CALN1: variants seen among roughly 807,000 people sequenced by gnomAD.
The protein encoded by CALN1 is calcium-binding protein 8.
CALN1 carries 17 observed loss-of-function variants against 30.6 expected under a neutral mutation model. The ratio of observed to expected loss-of-function variants is 0.56; its 90% CI spans 0.38 to 0.83. CALN1 has a LOEUF of 0.83. Among genes scored for constraint, CALN1 ranks in the 40% least tolerant of loss-of-function variants. The pLI is 0.00. For synonymous variants in CALN1, 156 were observed against 131.4 expected, an observed-to-expected ratio of 1.19 and a Z score of -1.28; for missense variants, 291 against 354.9, an observed-to-expected ratio of 0.82 and a Z score of 1.45.
chr7:72,291,807 T>C (rs1038164181), intron 2 of CALN1, among the ~76,000 whole-genome samples: 3 of 152,134 alleles, frequency 2.0e-5, no homozygotes, highest in African/African-American at 7.2e-5. Flanking sequence ...GAGACAGGAT[T>C]CTTCATGTTG....
intron 3 of CALN1, among the ~76,000 whole-genome samples, chr7:72,274,443 G>A (rs1019320906): frequency 6.6e-6 from 1 of 151,480 alleles, no homozygotes; most frequent in Non-Finnish European, 1.5e-5. Flanking sequence ...GGGAGGTGGA[G>A]GTTGCAGTGA....
At chr7:71,816,380 G>A (rs1788266763) in intron 5 of CALN1, among the ~76,000 whole-genome samples, 1 of 152,054 alleles carries the variant, frequency 6.6e-6, no homozygotes. Context: ...AAGGGAGCAA[G>A]GTATTGTTCA....
chr7:72,184,242 T>C (rs533662191), intron 3 of CALN1, among the ~76,000 whole-genome samples: 1 of 152,316 alleles, frequency 6.6e-6, no homozygotes, highest in Admixed American at 6.5e-5. Flanking sequence ...TTTACGTCAT[T>C]TATTGACTGT....
At chr7:72,336,719 G>A (rs1373371385) in intron 2 of CALN1, 3 of 985,254 alleles carry the variant, frequency 3.0e-6, no homozygotes, top group South Asian at 4.7e-5. Context: ...GCTGGGCCGG[G>A]GCTCCGCAGC....
chr7:72,284,917 A>T (rs780353728), intron 2 of CALN1, among the ~76,000 whole-genome samples: 1 of 152,148 alleles, frequency 6.6e-6, no homozygotes, highest in African/African-American at 2.4e-5. Context: ...TGGAGAACCC[A>T]CATTAATGCA....
intron 5 of CALN1, among the ~76,000 whole-genome samples, chr7:71,866,146 C>T (rs1042532059): frequency 2.0e-5 from 3 of 151,940 alleles, no homozygotes; most frequent in Non-Finnish European, 4.4e-5. Context: ...GCTGGGACTG[C>T]AGGCACGTGC....
At chr7:72,091,818 A>AT (rs953791271) in intron 4 of CALN1, among the ~76,000 whole-genome samples, 1 of 152,208 alleles carries the variant, frequency 6.6e-6, no homozygotes, top group African/African-American at 2.4e-5. Flanking sequence ...ATTCTCCAAT[A>AT]TTTTAACAGG....
chr7:72,351,741 C>G (rs998358501), intron 2 of CALN1, among the ~76,000 whole-genome samples: 1 of 151,836 alleles, frequency 6.6e-6, no homozygotes, highest in Non-Finnish European at 1.5e-5. Context: ...ATAATCAATA[C>G]CAGAAAAGTC....
intron 4 of CALN1, among the ~76,000 whole-genome samples, chr7:72,061,811 A>G (rs989958837): frequency 6.6e-6 from 1 of 150,796 alleles, no homozygotes; most frequent in Non-Finnish European, 1.5e-5. Context: ...AAAAAAAAAA[A>G]AAAAAAAGAA....
rs141948050 is a variant in CALN1, at chr7:72,351,341, C to T, written c.119+51910G>A. Among the ~76,000 whole-genome samples the T allele has an allele frequency of 7.8e-3, 1,179 of 152,034 alleles. 17 individuals are homozygous for T. The highest frequency in any genetic ancestry group is 0.027 in the African/African-American group (1,120 of 41,484). ...AACCTAGCAAGACCCTGTCTCTATTCGAGAATTTATAGCCATCAGGCTGAA... is the reference window on the plus strand; with the variant it reads ...AACCTAGCAAGACCCTGTCTCTATTTGAGAATTTATAGCCATCAGGCTGAA... On this transcript the variant is annotated intron_variant, in intron 2 of 6. Transcript: ENST00000395275.
Position 71,812,938 on chromosome 7 carries a change from T to C in CALN1, c.502-2446A>G, listed in dbSNP as rs747482824. ...TATTTATCATCATCATCATTATTATTATTATTATTATTATTATTATTATTA... is the reference window on the plus strand; with the variant it reads ...TATTTATCATCATCATCATTATTATCATTATTATTATTATTATTATTATTA... On this transcript the variant is annotated intron_variant, in intron 5 of 6. Coordinates refer to ENST00000395275, the MANE Select transcript of CALN1 (RefSeq NM_031468.4). Among the ~76,000 whole-genome samples, 44 of 138,854 alleles carry C rather than the reference T, an allele frequency of 3.2e-4. 1 individual carries two copies. The highest frequency in any genetic ancestry group is 5.0e-4 in the Admixed American group (7 of 14,098). 91.1% of individuals were successfully genotyped at this position (138,854 alleles called of 152,430 possible). A position where few individuals can be genotyped will look rare whatever the true frequency, so the allele number is the denominator to read the frequency against.
intron 2 of CALN1, among the ~76,000 whole-genome samples, chr7:72,296,131 T>C (rs1344666346): frequency 1.3e-5 from 2 of 152,008 alleles, no homozygotes; most frequent in East Asian, 1.9e-4. Context: ...CATGTGGTTT[T>C]TGTCTTTGGC....
intron 4 of CALN1, among the ~76,000 whole-genome samples, chr7:72,094,308 G>A (rs797004269): frequency 8.5e-5 from 13 of 152,220 alleles, no homozygotes; most frequent in African/African-American, 2.9e-4. Flanking sequence ...AGGTGGGAGT[G>A]CAATGGCACA....
chr7:71,807,429 G>A (rs529185488), intron 6 of CALN1, among the ~76,000 whole-genome samples: 1 of 152,114 alleles, frequency 6.6e-6, no homozygotes, highest in South Asian at 2.1e-4. Flanking sequence ...CCATCACTTT[G>A]ATCATGCTTG....
chr7:71,812,062 T>C (rs969941538), intron 5 of CALN1, among the ~76,000 whole-genome samples: 4 of 152,194 alleles, frequency 2.6e-5, no homozygotes, highest in South Asian at 4.1e-4. Context: ...AATCATTGTG[T>C]GGTTCTAACA....
chr7:72,293,068 C>T (rs1365033753), intron 2 of CALN1, among the ~76,000 whole-genome samples: 1 of 151,780 alleles, frequency 6.6e-6, no homozygotes, highest in Non-Finnish European at 1.5e-5. Flanking sequence ...TTTCCCCTTC[C>T]TTCCTTTCTT....
intron 3 of CALN1, among the ~76,000 whole-genome samples, chr7:72,229,398 CG>C (rs1793923785): frequency 6.6e-6 from 1 of 151,980 alleles, no homozygotes; most frequent in African/African-American, 2.4e-5. Context: ...GCAAGAGGAT[CG>C]CTTACCATTT....
At chr7:72,002,611 C>T (rs1217673880) in intron 5 of CALN1, among the ~76,000 whole-genome samples, 2 of 152,042 alleles carry the variant, frequency 1.3e-5, no homozygotes, top group African/African-American at 2.4e-5. Context: ...ATTAAATGGT[C>T]TTTATTTGAA....
At chr7:72,351,737 A>C (rs1244244686) in intron 2 of CALN1, among the ~76,000 whole-genome samples, 1 of 152,234 alleles carries the variant, frequency 6.6e-6, no homozygotes, top group Non-Finnish European at 1.5e-5. Flanking sequence ...AAAAATAATC[A>C]ATACCAGAAA....
Sources: gnomAD v4.1 joint callset for allele counts (sites outside exome capture counted in the v4.1 genomes callset) on GRCh38, gnomAD v4.1.1 for gene constraint, MANE v1.5 for transcripts, NCBI Gene and HGNC (gene_info 2026-07-23, HGNC 2026-07-21) for gene names.